TBL1X: variants seen among roughly 807,000 people sequenced by gnomAD.
TBL1X encodes the protein F-box-like/WD repeat-containing protein TBL1X.
TBL1X carries 10 observed loss-of-function variants against 50.7 expected under a neutral mutation model. The ratio of observed to expected loss-of-function variants is 0.20; its 90% CI spans 0.12 to 0.33. The LOEUF (loss-of-function observed/expected upper bound fraction) is 0.33. Ranked by LOEUF, TBL1X falls within the 10% of genes least tolerant of loss-of-function variation. The pLI is 1.00. For synonymous variants in TBL1X, 190 were observed against 214.7 expected (o/e 0.88, Z 1.01); for missense variants, 340 against 504.4 (o/e 0.67, Z 3.12).
At chrX:9,470,385 G>T (rs2081806336) in intron 1 of TBL1X, among the ~76,000 whole-genome samples, 1 of 112,766 alleles carries the variant, frequency 8.9e-6, no homozygotes, top group Non-Finnish European at 1.9e-5. Flanking sequence ...CTCCGGAGAA[G>T]CTGGGACTAG....
intron 2 of TBL1X, among the ~76,000 whole-genome samples, chrX:9,510,439 G>C (rs2082049642): frequency 8.9e-6 from 1 of 111,955 alleles, no homozygotes; most frequent in African/African-American, 3.3e-5. Flanking sequence ...AAAAACCTTT[G>C]AACAGGTGCT....
intron 2 of TBL1X, among the ~76,000 whole-genome samples, chrX:9,601,860 G>A (rs890073238): frequency 8.9e-6 from 1 of 111,760 alleles, no homozygotes; most frequent in African/African-American, 3.3e-5. Context: ...TGGCCAACAT[G>A]GCGAAACCCT....
At chrX:9,578,532 C>T (rs1364004564) in intron 2 of TBL1X, among the ~76,000 whole-genome samples, 1 of 111,490 alleles carries the variant, frequency 9.0e-6, no homozygotes, top group Non-Finnish European at 1.9e-5. Context: ...CAGAAAGGAG[C>T]ACGAGGAGAC....
intron 5 of TBL1X, among the ~76,000 whole-genome samples, chrX:9,658,903 C>A: frequency 8.9e-6 from 1 of 112,057 alleles, no homozygotes; most frequent in East Asian, 2.8e-4. Flanking sequence ...CTCCCAAGCT[C>A]AATTGATCGT....
At chrX:9,536,002 G>A (rs1328876170) in intron 2 of TBL1X, among the ~76,000 whole-genome samples, 1 of 111,767 alleles carries the variant, frequency 8.9e-6, no homozygotes, top group East Asian at 2.8e-4. Context: ...ATCCACTAAT[G>A]TGGGCTGCGG....
intron 5 of TBL1X, among the ~76,000 whole-genome samples, chrX:9,673,470 C>A (rs757008625): frequency 3.6e-5 from 4 of 111,936 alleles, no homozygotes; most frequent in African/African-American, 1.3e-4. Flanking sequence ...TCCTCATTTA[C>A]AGATGAGAAA....
At chrX:9,485,548 G>A (rs948418323) in intron 1 of TBL1X, among the ~76,000 whole-genome samples, 4 of 111,733 alleles carry the variant, frequency 3.6e-5, no homozygotes, top group Non-Finnish European at 7.5e-5. Context: ...TGCCCTCATT[G>A]GGCCTAATTG....
chrX:9,537,592 C>T (rs1301393005), intron 2 of TBL1X, among the ~76,000 whole-genome samples: 4 of 90,941 alleles, frequency 4.4e-5, no homozygotes, highest in Admixed American at 1.2e-4. Flanking sequence ...TGTCCTTTTG[C>T]GTCTGGCTTA....
chrX:9,710,249 A>G (rs2083238008), intron 15 of TBL1X, among the ~76,000 whole-genome samples: 1 of 109,248 alleles, frequency 9.2e-6, no homozygotes, highest in African/African-American at 3.3e-5. Flanking sequence ...GAAGAAGAAA[A>G]AAAACCACCC....
At chrX:9,603,501 A>G (rs2082567057) in intron 2 of TBL1X, among the ~76,000 whole-genome samples, 1 of 111,803 alleles carries the variant, frequency 8.9e-6, no homozygotes, top group Non-Finnish European at 1.9e-5. Context: ...GATCTTGTAC[A>G]CTCTCACAGA....
chrX:9,559,255 C>T (rs1170424231), intron 2 of TBL1X, among the ~76,000 whole-genome samples: 2 of 111,783 alleles, frequency 1.8e-5, no homozygotes, highest in African/African-American at 6.5e-5. Context: ...CTCTTGGCCC[C>T]AGTTTACCCA....
At chrX:9,570,241 A>G (rs1288037351) in intron 2 of TBL1X, among the ~76,000 whole-genome samples, 2 of 112,208 alleles carry the variant, frequency 1.8e-5, no homozygotes, top group Non-Finnish European at 3.8e-5. Flanking sequence ...TCTTTCAAAC[A>G]GCATTTGTGT....
intron 2 of TBL1X, among the ~76,000 whole-genome samples, chrX:9,583,036 T>C (rs749581184): frequency 6.2e-5 from 7 of 112,886 alleles, no homozygotes; most frequent in African/African-American, 2.2e-4. Context: ...TATTATTCTG[T>C]AATTGTTTCC....
At chrX:9,472,869 C>G (rs1907507876) in intron 1 of TBL1X, among the ~76,000 whole-genome samples, 1 of 108,591 alleles carries the variant, frequency 9.2e-6, no homozygotes, top group East Asian at 2.9e-4. Context: ...GCCAAGATTG[C>G]GCCACTGCAC....
chrX:9,503,334 C>A (rs944453829), intron 2 of TBL1X, among the ~76,000 whole-genome samples: 1 of 113,039 alleles, frequency 8.8e-6, no homozygotes, highest in African/African-American at 3.2e-5. Flanking sequence ...TGAACCCACG[C>A]CACCAGGGCC....
chrX:9,536,145 G>A (rs2082186439), intron 2 of TBL1X, among the ~76,000 whole-genome samples: 1 of 111,535 alleles, frequency 9.0e-6, no homozygotes, highest in Non-Finnish European at 1.9e-5. Context: ...GTTTTTTAAA[G>A]TACCTTACAA....
At chrX:9,654,444 AGT>A in intron 5 of TBL1X, 122 bp downstream of exon 5, 1 of 771,272 alleles carries the variant, frequency 1.3e-6, no homozygotes, top group Non-Finnish European at 1.9e-6. Context: ...GAAGGTTCTT[AGT>A]GCTGATGGGG....
At chrX:9,568,116 C>T (rs17320987) in intron 2 of TBL1X, among the ~76,000 whole-genome samples, 4,767 of 112,115 alleles carry the variant, frequency 0.043, 107 homozygotes, top group Non-Finnish European at 0.064. Flanking sequence ...CTCCCTGTTA[C>T]AGCCTGGAAG....
At chrX:9,498,495 A>T (rs1229295382) in intron 1 of TBL1X, among the ~76,000 whole-genome samples, 2 of 112,753 alleles carry the variant, frequency 1.8e-5, no homozygotes, top group East Asian at 2.8e-4. Context: ...GAAATGATGG[A>T]TGTGCAGCGT....
Sources: allele counts gnomAD v4.1 joint callset (sites outside exome capture counted in the v4.1 genomes callset), GRCh38; gene constraint gnomAD v4.1.1; transcripts MANE v1.5; gene names NCBI Gene and HGNC (gene_info 2026-07-23, HGNC 2026-07-21).